LRBA: variants seen among roughly 807,000 people sequenced by gnomAD.
The protein encoded by LRBA is LPS responsive beige-like anchor protein, also known as lipopolysaccharide-responsive and beige-like anchor protein.
LRBA carries 176 observed loss-of-function variants against 330.0 expected under a neutral mutation model. The observed-to-expected ratio is 0.53, with a 90% CI of 0.47 to 0.60. LRBA has a LOEUF of 0.60. Ranked by LOEUF, LRBA falls within the 20% of genes least tolerant of loss-of-function variation. The probability of loss-of-function intolerance (pLI) is 0.00; values close to 1 mark genes in which losing one functional copy is unlikely to be tolerated. For synonymous variants in LRBA, 1,230 were observed against 1,193.0 expected (o/e 1.03, Z -0.64); for missense variants, 3,259 against 3,444.8 (o/e 0.95, Z 1.35).
rs748531851 is a variant in LRBA at position 150,803,083 on chromosome 4, T to TATATACAC, written c.5518+3187_5518+3188insGTGTATAT. 1.7e-4 allele frequency among the ~76,000 whole-genome samples: 22 copies of TATATACAC among 128,488 alleles called. No individual in the cohort carries two copies. The East Asian group carries it at 3.3e-3, about 19-fold the overall frequency. The allele number at this position is 128,488 out of a possible 152,430, so 84.3% of individuals were successfully genotyped here. A position where few individuals can be genotyped will look rare whatever the true frequency, so the allele number is the denominator to read the frequency against. ...AAAACAAACAAAAAAAAAATATATA[T>TATATACAC]ACACACACACACACACACACACACA... On this transcript the variant is annotated intron_variant, in intron 33 of 56. Coordinates refer to ENST00000651943, the MANE Select transcript of LRBA (RefSeq NM_001364905.1).
intron 40 of LRBA, among the ~76,000 whole-genome samples, chr4:150,501,510 G>T (rs1760259362): frequency 6.6e-6 from 1 of 152,042 alleles, no homozygotes; most frequent in African/African-American, 2.4e-5. Context: ...TACTAGGGCG[G>T]CTGAGGCAGG....
chr4:150,582,545 G>GT (rs1771514654), intron 40 of LRBA: 1 of 161,422 alleles, frequency 6.2e-6, no homozygotes, highest in African/African-American at 2.4e-5. Context: ...TGGAAGAGAA[G>GT]TTTAAGAATG....
chr4:150,851,588 A>C (rs1042250342), intron 23 of LRBA, among the ~76,000 whole-genome samples: 32 of 152,238 alleles, frequency 2.1e-4, no homozygotes, highest in Non-Finnish European at 4.3e-4. Flanking sequence ...AATAAAAGGT[A>C]AAATGCAAGT....
At chr4:150,493,376 A>T (rs890705129) in intron 40 of LRBA, among the ~76,000 whole-genome samples, 1 of 152,220 alleles carries the variant, frequency 6.6e-6, no homozygotes, top group African/African-American at 2.4e-5. Context: ...AAGGCTTTGA[A>T]TATACCCTAC....
In LRBA at chr4:150,267,703, T is replaced by C. The variant is rs552138998; in HGVS notation, c.8469-1891A>G. Among the ~76,000 whole-genome samples the C allele has an allele frequency of 6.6e-4, 101 of 152,154 alleles. 2 individuals are homozygous for C. The highest frequency in any genetic ancestry group is 2.4e-3 in the African/African-American group (98 of 41,510). ...AAGCAGAAAATAGTAAAATGATTGA[T>C]AGGAAAAAACCCAAAAATTGGTTCT... On this transcript the variant is annotated intron_variant, in intron 56 of 56. Coordinates refer to ENST00000651943, the MANE Select transcript of LRBA (RefSeq NM_001364905.1).
chr4:150,961,580 G>A lies in LRBA; in HGVS notation c.217-32515C>T, dbSNP rs1738151846. On this transcript the variant is annotated intron_variant, in intron 2 of 56. Coordinates refer to ENST00000651943, the MANE Select transcript of LRBA (RefSeq NM_001364905.1). The stretch of plus-strand genomic sequence containing the variant: ...CCAGTCTTATTATTTTTATTAGAAA[G>A]GTTAGGAGGATAGAAGAGAAGCAAG... Among the ~76,000 whole-genome samples, 3 of 149,174 alleles carry A rather than the reference G, an allele frequency of 2.0e-5. No individual in the cohort carries two copies. In the South Asian group the frequency reaches 6.2e-4, roughly 31 times the overall value.
At chr4:150,506,132 G>C (rs1247307060) in intron 40 of LRBA, among the ~76,000 whole-genome samples, 2 of 152,216 alleles carry the variant, frequency 1.3e-5, no homozygotes, top group Non-Finnish European at 2.9e-5. Flanking sequence ...ATTCACAGCT[G>C]AATTCTACCA....
chr4:151,014,842 G>A lies in LRBA; in HGVS notation c.-200C>T. On this transcript the variant is annotated 5_prime_UTR_variant, in exon 2 of 57. Coordinates refer to ENST00000651943, the MANE Select transcript of LRBA (RefSeq NM_001364905.1). ...TATTTGTCCAATCTCTCTCCCCGAG[G>A]CTGACAACAACGCCAAACCCTATTG... 1 of 557,964 alleles carries A rather than the reference G, an allele frequency of 1.8e-6. No homozygotes were observed. Among genetic ancestry groups the A allele is most frequent in the Middle Eastern group, 4.8e-4 (1 of 2,104 alleles). 34.6% of individuals were successfully genotyped at this position (557,964 alleles called of 1,614,324 possible). A position where few individuals can be genotyped will look rare whatever the true frequency, so the allele number is the denominator to read the frequency against.
intron 47 of LRBA, among the ~76,000 whole-genome samples, chr4:150,401,129 G>A (rs904759255): frequency 3.9e-5 from 6 of 152,244 alleles, no homozygotes; most frequent in African/African-American, 1.4e-4. Flanking sequence ...GAAGACCGAG[G>A]TTACACTGCT....
At chr4:150,815,786 T>C (rs1231006792) in intron 31 of LRBA, among the ~76,000 whole-genome samples, 2 of 151,904 alleles carry the variant, frequency 1.3e-5, no homozygotes, top group East Asian at 3.9e-4. Flanking sequence ...ATAATACACT[T>C]TCTTGCTTTT....
intron 14 of LRBA, among the ~76,000 whole-genome samples, chr4:150,898,640 C>T (rs1560977347): frequency 1.8e-5 from 1 of 56,962 alleles, no homozygotes. Context: ...CATGTGATTC[C>T]TAGACAAAAA....
intron 37 of LRBA, among the ~76,000 whole-genome samples, chr4:150,629,850 A>G (rs1157526751): frequency 1.3e-5 from 2 of 152,048 alleles, no homozygotes; most frequent in African/African-American, 2.4e-5. Flanking sequence ...GGGCACCTGT[A>G]ATCCCAGCTA....
chr4:150,696,458 A>G (rs1784625281), intron 36 of LRBA, among the ~76,000 whole-genome samples: 1 of 152,190 alleles, frequency 6.6e-6, no homozygotes, highest in Admixed American at 6.5e-5. Flanking sequence ...ATGATGTGGT[A>G]TGCTTTTCAG....
In LRBA at chr4:150,325,891, T is replaced by G; in HGVS notation, c.7370A>C (p.Glu2457Ala). ...ITDPVLREAVEAQIRSFGQTP... is the reference protein window; with the variant it reads ...ITDPVLREAVAAQIRSFGQTP... The stretch of plus-strand genomic sequence containing the variant: ...CTGTCCAAAACTTCGGATTTGAGCT[T>G]CAACAGCCTGAAAAGGGCAGGGGCA... Residue 2457 changes from glutamate (E) to alanine (A), a missense_variant, in exon 49 of 57, where the codon GAA becomes GCA. Transcript: ENST00000651943. 6.2e-7 allele frequency: 1 copy of G among 1,608,892 alleles called. No individual in the cohort carries two copies. Among genetic ancestry groups the G allele is most frequent in the Non-Finnish European group, 8.5e-7 (1 of 1,175,750 alleles).
At chr4:150,555,536 G>A (rs1767188420) in intron 40 of LRBA, among the ~76,000 whole-genome samples, 1 of 152,064 alleles carries the variant, frequency 6.6e-6, no homozygotes, top group African/African-American at 2.4e-5. Context: ...GGATCACAAG[G>A]TCAAGAGATC....
intron 53 of LRBA, among the ~76,000 whole-genome samples, chr4:150,288,549 A>T (rs1748454635): frequency 6.6e-6 from 1 of 152,164 alleles, no homozygotes; most frequent in Non-Finnish European, 1.5e-5. Flanking sequence ...AGATCACGCC[A>T]CTGCACTCTA....
At chr4:150,383,528 C>T (rs1051717495) in intron 47 of LRBA, among the ~76,000 whole-genome samples, 2 of 152,282 alleles carry the variant, frequency 1.3e-5, no homozygotes, top group South Asian at 4.1e-4. Context: ...GCTGGGGTTA[C>T]AGGGGTAAAC....
intron 33 of LRBA, among the ~76,000 whole-genome samples, chr4:150,805,945 T>C (rs1742728043): frequency 6.6e-6 from 1 of 152,178 alleles, no homozygotes; most frequent in Admixed American, 6.5e-5. Flanking sequence ...GTTGTTCATA[T>C]GGATCTAAGT....
chr4:150,361,133 A>T (rs1738623859), intron 47 of LRBA, among the ~76,000 whole-genome samples: 1 of 152,200 alleles, frequency 6.6e-6, no homozygotes, highest in African/African-American at 2.4e-5. Context: ...CTCATAAAAG[A>T]CACTTCATTT....
Sources: allele counts gnomAD v4.1 joint callset (sites outside exome capture counted in the v4.1 genomes callset), GRCh38; gene constraint gnomAD v4.1.1; transcripts MANE v1.5; gene names NCBI Gene and HGNC (gene_info 2026-07-23, HGNC 2026-07-21).